OCEL1: variants seen among roughly 807,000 people sequenced by gnomAD.
OCEL1 encodes occludin/ELL domain-containing protein 1.
In OCEL1, 24 loss-of-function variants were observed where a neutral mutation model predicts 29.4. The ratio of observed to expected loss-of-function variants is 0.82; its 90% CI spans 0.59 to 1.15. The LOEUF (loss-of-function observed/expected upper bound fraction) is 1.15, where lower values mean the gene tolerates loss of function less well. Ranked by LOEUF, OCEL1 falls within the 50% of genes most tolerant of loss-of-function variation. The pLI is 0.00. For synonymous variants in OCEL1, 172 were observed against 145.3 expected (o/e 1.18, Z -1.32); for missense variants, 402 against 352.5 (o/e 1.14, Z -1.13).
chr19:17,226,239 C>T lies in OCEL1; in HGVS notation c.-9C>T. On this transcript the variant is annotated 5_prime_UTR_variant, in exon 1 of 6. Coordinates refer to ENST00000215061, the MANE Select transcript of OCEL1 (RefSeq NM_024578.3). ...AGCGACCCCGCCAGTCGGGTCCATC[C>T]TGCAGTAAATGCACAACCCGGACGG... 1 of 1,606,456 alleles carries T rather than the reference C, an allele frequency of 6.2e-7. No individual in the cohort carries two copies. Among genetic ancestry groups the T allele is most frequent in the Non-Finnish European group, 8.5e-7 (1 of 1,177,104 alleles).
At chr19:17,228,334 G>C (rs977094973) in intron 5 of OCEL1, 25 bp downstream of exon 5, 2 of 1,613,100 alleles carry the variant, frequency 1.2e-6, no homozygotes, top group Non-Finnish European at 1.7e-6. Context: ...CCACAGCTTG[G>C]TCTTGCACCC....
At chr19:17,228,154 A>G (rs1377514265) in intron 4 of OCEL1, 102 bp from the exon 5 acceptor site, 1 of 1,528,274 alleles carries the variant, frequency 6.5e-7, no homozygotes, top group African/African-American at 1.4e-5. Flanking sequence ...CAGCCCTTGA[A>G]GTCCCCACTA....
At chr19:17,227,769 G>T in intron 3 of OCEL1, 71 bp from the exon 4 acceptor site, 1 of 1,536,680 alleles carries the variant, frequency 6.5e-7, no homozygotes, top group Non-Finnish European at 8.9e-7. Flanking sequence ...ACAAAGAAAA[G>T]CAAATTACAC....
Position 17,228,792 on chromosome 19 carries a change from G to A in OCEL1, c.673-11G>A, listed in dbSNP as rs377290671. On this transcript the variant is annotated splice_polypyrimidine_tract_variant and intron_variant, in intron 5 of 5. Coordinates refer to ENST00000215061, the MANE Select transcript of OCEL1 (RefSeq NM_024578.3). ...ACTGCTGCAAAGACTTCCGGGTCTC[G>A]CCCTGCCTAGGATCCTGGCTTCCTG... The A allele has an allele frequency of 7.4e-6, 12 of 1,611,380 alleles. No homozygotes were observed. The highest frequency in any genetic ancestry group is 5.3e-5 in the African/African-American group (4 of 74,874).
Position 17,228,257 on chromosome 19 carries a change from A to T in OCEL1, c.620A>T (p.Lys207Met). 6.2e-7 allele frequency: 1 copy of T among 1,614,054 alleles called. No individual in the cohort carries two copies. Among genetic ancestry groups the T allele is most frequent in the South Asian group, 1.1e-5 (1 of 91,082 alleles). The change falls in exon 5 of 6, where the codon AAG (lysine) becomes ATG (methionine). Residue 207 changes from lysine (K) to methionine (M), a missense_variant and splice_region_variant. Transcript: ENST00000215061. ...CCCTTTCTACTCCTCCCCTTGCAGAAGGAGGCCCAAGTTGCAGCCCGGGTT... is the reference window on the plus strand; with the variant it reads ...CCCTTTCTACTCCTCCCCTTGCAGATGGAGGCCCAAGTTGCAGCCCGGGTT... Reference protein sequence around the residue: ...LSSLPPPQSQKEAQVAARVWR... With the variant: ...LSSLPPPQSQMEAQVAARVWR...
intron 1 of OCEL1, 34 bp from the exon 2 acceptor site, chr19:17,226,659 G>A: frequency 7.0e-7 from 1 of 1,432,922 alleles, no homozygotes; most frequent in South Asian, 1.5e-5. Flanking sequence ...CGTGCGCGTC[G>A]TCAGGCGTGT....
In OCEL1 at chr19:17,226,253, C is replaced by T. The variant is rs148227024; in HGVS notation, c.6C>T (p.His2=). M[H]NPDGSASPTA... ...TCGGGTCCATCCTGCAGTAAATGCA[C>T]AACCCGGACGGAAGTGCCTCTCCGA... is the stretch of plus-strand genomic sequence containing the variant. The change falls in exon 1 of 6, where the codon CAC becomes CAT. Residue 2 remains histidine (H), a synonymous_variant. Coordinates refer to ENST00000215061, the MANE Select transcript of OCEL1 (RefSeq NM_024578.3). 4.0e-5 allele frequency: 65 copies of T among 1,610,412 alleles called. No individual in the cohort carries two copies. The highest frequency in any genetic ancestry group is 4.4e-5 in the Non-Finnish European group (52 of 1,178,946).
In OCEL1 at chr19:17,228,253, C is replaced by T. The variant is rs1568313629; in HGVS notation, c.619-3C>T. 4 of 1,614,120 alleles carry T rather than the reference C, an allele frequency of 2.5e-6. No homozygotes were observed. The highest frequency in any genetic ancestry group is 3.4e-6 in the Non-Finnish European group (4 of 1,179,998). On this transcript the variant is annotated splice_polypyrimidine_tract_variant and splice_region_variant and intron_variant, in intron 4 of 5. Coordinates refer to ENST00000215061, the MANE Select transcript of OCEL1 (RefSeq NM_024578.3). ...AACCCCCTTTCTACTCCTCCCCTTG[C>T]AGAAGGAGGCCCAAGTTGCAGCCCG...
rs771161237 is a variant in OCEL1 at position 17,229,073 on chromosome 19, G to T, written c.*148G>T. The T allele has an allele frequency of 2.8e-5, 24 of 862,532 alleles. No individual in the cohort carries two copies. In the South Asian group the frequency reaches 3.7e-4, roughly 13 times the overall value. 53.4% of individuals were successfully genotyped at this position (862,532 alleles called of 1,614,324 possible). On this transcript the variant is annotated 3_prime_UTR_variant, in exon 6 of 6. Coordinates refer to ENST00000215061, the MANE Select transcript of OCEL1 (RefSeq NM_024578.3). ...GCCTCTTCAGTTTGGACTCAGCTCT[G>T]ACAGCCCCTCCTCCAGGAAGGCCTT...
intron 1 of OCEL1, 89 bp downstream of exon 1, chr19:17,226,405 G>A: frequency 6.8e-7 from 1 of 1,472,860 alleles, no homozygotes; most frequent in Non-Finnish European, 9.3e-7. Context: ...TGTGGGCTCT[G>A]CGCGCCCTGG....
At position 17,228,785 on chromosome 19, in the gene OCEL1, G is replaced by T; in HGVS notation, c.673-18G>T. On this transcript the variant is annotated intron_variant, in intron 5 of 5. Coordinates refer to ENST00000215061, the MANE Select transcript of OCEL1 (RefSeq NM_024578.3). ...AGGGCAGACTGCTGCAAAGACTTCC[G>T]GGTCTCGCCCTGCCTAGGATCCTGG... 6.2e-7 allele frequency: 1 copy of T among 1,610,640 alleles called. No homozygotes were observed. The highest frequency in any genetic ancestry group is 8.5e-7 in the Non-Finnish European group (1 of 1,179,156).
chr19:17,228,189 C>T, intron 4 of OCEL1, 67 bp from the exon 5 acceptor site: 4 of 1,591,256 alleles, frequency 2.5e-6, no homozygotes, highest in Non-Finnish European at 3.4e-6. Flanking sequence ...CTGTCTGAGC[C>T]TCAGTTTCTT....
In OCEL1 at chr19:17,228,275, C is replaced by A; in HGVS notation, c.638C>A (p.Ala213Asp). ...PQSQKEAQVA[A>D]RVWREFEMKR... is the part of the protein sequence containing the mutation. ...TTGCAGAAGGAGGCCCAAGTTGCAG[C>A]CCGGGTTTGGAGGGAGTTTGAGATG... The change falls in exon 5 of 6, where the codon GCC (alanine) becomes GAC (aspartate). Residue 213 changes from alanine to aspartate, a missense_variant. Transcript: ENST00000215061. The A allele has an allele frequency of 6.2e-7, 1 of 1,614,122 alleles. No individual in the cohort carries two copies. Among genetic ancestry groups the A allele is most frequent in the Non-Finnish European group, 8.5e-7 (1 of 1,180,022 alleles).
chr19:17,228,474 G>A (rs754548307), intron 5 of OCEL1, 165 bp downstream of exon 5: 21 of 712,038 alleles, frequency 2.9e-5, no homozygotes, highest in Non-Finnish European at 4.1e-5. Flanking sequence ...CAACCTCAGC[G>A]TCCCGGGTTC....
chr19:17,227,285 C>T, intron 3 of OCEL1, 86 bp downstream of exon 3: 4 of 1,261,988 alleles, frequency 3.2e-6, no homozygotes, highest in Non-Finnish European at 4.2e-6. Flanking sequence ...TAAGAGTTTA[C>T]CAAAGAGTAG....
chr19:17,228,974 C>A lies in OCEL1; in HGVS notation c.*49C>A, dbSNP rs1429872204. On this transcript the variant is annotated 3_prime_UTR_variant, in exon 6 of 6. Coordinates refer to ENST00000215061, the MANE Select transcript of OCEL1 (RefSeq NM_024578.3). ...GATGCATGGGGATGCAGGTCCCTTG[C>A]ATTTCTTGGTATCTCTCAGCTTTTC... is the stretch of plus-strand genomic sequence containing the variant. 1.3e-6 allele frequency: 2 copies of A among 1,584,740 alleles called. No individual in the cohort carries two copies. The highest frequency in any genetic ancestry group is 1.3e-5 in the African/African-American group (1 of 74,314).
chr19:17,226,825 TCC>T lies in OCEL1; in HGVS notation c.204_205del (p.Arg69GlyfsTer48). On this transcript the variant is annotated frameshift_variant, in exon 2 of 6. Coordinates refer to ENST00000215061, the MANE Select transcript of OCEL1 (RefSeq NM_024578.3). LOFTEE classifies it high-confidence loss of function. ...CCGGGAGCCCCCAAAGACTCGCGGC[TCC>T]CGGGGGCACCTGCATACTCACCCGC... ...PTREPPKTRG[S>X]RGHLHTHPPG... The T allele has an allele frequency of 6.3e-7, 1 of 1,581,330 alleles. No individual in the cohort carries two copies. The highest frequency in any genetic ancestry group is 8.6e-7 in the Non-Finnish European group (1 of 1,168,616).
At position 17,226,716 on chromosome 19, in the gene OCEL1, G is replaced by A; in HGVS notation, c.93G>A (p.Pro31=). The change falls in exon 2 of 6, where the codon CCG becomes CCA. Residue 31 remains proline (P), a synonymous_variant. Coordinates refer to ENST00000215061, the MANE Select transcript of OCEL1 (RefSeq NM_024578.3). ...AGGCCGCCCGCAGACCACCCCCGCC[G>A]CGCGCGGGACACGACGCCCCCCGCA... is the stretch of plus-strand genomic sequence containing the variant. ...LGQAARRPPP[P]RAGHDAPRRT... is the part of the protein sequence containing the mutation. 1 of 1,512,794 alleles carries A rather than the reference G, an allele frequency of 6.6e-7. No individual in the cohort carries two copies. Among genetic ancestry groups the A allele is most frequent in the Non-Finnish European group, 8.8e-7 (1 of 1,139,008 alleles). The allele number at this position is 1,512,794 out of a possible 1,614,324, so 93.7% of individuals were successfully genotyped here. A position where few individuals can be genotyped will look rare whatever the true frequency, so the allele number is the denominator to read the frequency against.
At chr19:17,226,420 C>A in intron 1 of OCEL1, 104 bp downstream of exon 1, 2 of 1,348,532 alleles carry the variant, frequency 1.5e-6, no homozygotes, top group South Asian at 2.6e-5. Context: ...CCCTGGAGGT[C>A]GAGGCTCCGG....
Sources: allele counts gnomAD v4.1 joint callset, GRCh38; gene constraint gnomAD v4.1.1; transcripts MANE v1.5; gene names NCBI Gene and HGNC (gene_info 2026-07-23, HGNC 2026-07-21).